TSPAN18: variants seen among roughly 807,000 people sequenced by gnomAD.
The protein encoded by TSPAN18 is tetraspanin 18.
Under a neutral mutation model 27.3 loss-of-function variants are expected in TSPAN18, and 14 were observed. The observed-to-expected ratio is 0.51, with a 90% CI of 0.34 to 0.80. The LOEUF is 0.80. TSPAN18 is among the 30% of genes least tolerant of loss of function. The probability of loss-of-function intolerance (pLI) is 0.01; values close to 1 mark genes in which losing one functional copy is unlikely to be tolerated. For missense variants in TSPAN18, 268 were observed against 323.9 expected (o/e 0.83, Z 1.32); for synonymous variants, 143 against 136.5 (o/e 1.05, Z -0.33).
chr11:44,812,537 G>T (rs1856740041), intron 2 of TSPAN18, among the ~76,000 whole-genome samples: 1 of 152,164 alleles, frequency 6.6e-6, no homozygotes, highest in African/African-American at 2.4e-5. Context: ...ACCACGTGCT[G>T]CTGGAACCCA....
At chr11:44,880,561 C>T (rs1013431999) in intron 3 of TSPAN18, among the ~76,000 whole-genome samples, 1 of 152,196 alleles carries the variant, frequency 6.6e-6, no homozygotes, top group Non-Finnish European at 1.5e-5. Context: ...GTCTGATAGT[C>T]CCCTCTGAAC....
intron 8 of TSPAN18, among the ~76,000 whole-genome samples, chr11:44,922,187 G>A (rs1023684167): frequency 6.7e-6 from 1 of 149,044 alleles, no homozygotes; most frequent in Admixed American, 6.7e-5. Flanking sequence ...CACAATCCTG[G>A]CTCACTGCAA....
At chr11:44,800,050 T>G (rs1305735162) in intron 2 of TSPAN18, among the ~76,000 whole-genome samples, 1 of 138,124 alleles carries the variant, frequency 7.2e-6, no homozygotes, top group Non-Finnish European at 1.5e-5. Flanking sequence ...AGAGACAGGG[T>G]TTCGCCATGT....
At chr11:44,829,790 C>G (rs1341144198) in intron 2 of TSPAN18, among the ~76,000 whole-genome samples, 3 of 152,154 alleles carry the variant, frequency 2.0e-5, no homozygotes, top group Non-Finnish European at 4.4e-5. Flanking sequence ...CACCATTTTG[C>G]ACTCCCCCCA....
chr11:44,804,686 G>A (rs1856554326), intron 2 of TSPAN18, among the ~76,000 whole-genome samples: 1 of 152,088 alleles, frequency 6.6e-6, no homozygotes, highest in African/African-American at 2.4e-5. Flanking sequence ...GGTAGCTGCT[G>A]TGCTTGCAGG....
intron 2 of TSPAN18, among the ~76,000 whole-genome samples, chr11:44,857,967 C>A (rs925877888): frequency 6.6e-6 from 1 of 152,206 alleles, no homozygotes; most frequent in African/African-American, 2.4e-5. Flanking sequence ...GTCTAGGTGG[C>A]AGCATCCCAC....
At chr11:44,819,455 G>T (rs986308183) in intron 2 of TSPAN18, among the ~76,000 whole-genome samples, 1 of 152,078 alleles carries the variant, frequency 6.6e-6, no homozygotes, top group East Asian at 1.9e-4. Flanking sequence ...ATGTGTGTCG[G>T]GTTCTTTAAA....
intron 2 of TSPAN18, among the ~76,000 whole-genome samples, chr11:44,850,798 G>T (rs768187753): frequency 1.3e-5 from 2 of 152,124 alleles, no homozygotes; most frequent in Non-Finnish European, 2.9e-5. Flanking sequence ...GCTTGTCCCA[G>T]TCGGTGCCAG....
rs560167092 is a variant in TSPAN18, at chr11:44,930,781, G to A, written c.*1603G>A. 1 of 464,402 alleles carries A rather than the reference G, an allele frequency of 2.2e-6. No homozygotes were observed. The highest frequency in any genetic ancestry group is 4.4e-6 in the Non-Finnish European group (1 of 224,862). 28.8% of individuals were successfully genotyped at this position (464,402 alleles called of 1,614,324 possible). A position where few individuals can be genotyped will look rare whatever the true frequency, so the allele number is the denominator to read the frequency against. On this transcript the variant is annotated 3_prime_UTR_variant, in exon 10 of 10. Transcript: ENST00000520358. Reference sequence around the variant, plus strand: ...GATGTCTGCCAGGCACCGTAAGTTTGATTAGTGATGTCTGCCACGGGCAGG... The same window carrying A: ...GATGTCTGCCAGGCACCGTAAGTTTAATTAGTGATGTCTGCCACGGGCAGG...
chr11:44,732,938 C>T lies in TSPAN18; in HGVS notation c.-240+5651C>T, dbSNP rs556623159. Among the ~76,000 whole-genome samples the T allele has an allele frequency of 3.3e-5, 5 of 152,234 alleles. No individual in the cohort carries two copies. In the South Asian group the frequency reaches 1.0e-3, roughly 32 times the overall value. On this transcript the variant is annotated intron_variant, in intron 1 of 9. Coordinates refer to ENST00000520358, the MANE Select transcript of TSPAN18 (RefSeq NM_130783.5). ...CTGTTCCACACGGTCACTCAGGGACCCAGGCTCCAAAGATGATGACTCCAC... is the reference window on the plus strand; with the variant it reads ...CTGTTCCACACGGTCACTCAGGGACTCAGGCTCCAAAGATGATGACTCCAC...
intron 2 of TSPAN18, among the ~76,000 whole-genome samples, chr11:44,816,949 C>T (rs1318493894): frequency 6.6e-6 from 1 of 152,232 alleles, no homozygotes; most frequent in East Asian, 1.9e-4. Context: ...GGTGAGGCAA[C>T]TTTCTGGTCA....
intron 2 of TSPAN18, among the ~76,000 whole-genome samples, chr11:44,843,844 C>A (rs553882933): frequency 6.6e-6 from 1 of 152,208 alleles, no homozygotes; most frequent in Admixed American, 6.5e-5. Flanking sequence ...CTCTCTTATT[C>A]CCTGAACAAT....
chr11:44,803,650 C>T (rs920006090), intron 2 of TSPAN18, among the ~76,000 whole-genome samples: 1 of 152,082 alleles, frequency 6.6e-6, no homozygotes, highest in Admixed American at 6.6e-5. Context: ...GCAGGGGACA[C>T]TGGGGTGGAG....
At position 44,737,790 on chromosome 11, in the gene TSPAN18, G is replaced by A. The variant is rs76874407; in HGVS notation, c.-240+10503G>A. On this transcript the variant is annotated intron_variant, in intron 1 of 9. Coordinates refer to ENST00000520358, the MANE Select transcript of TSPAN18 (RefSeq NM_130783.5). ...CATCTGCCGCTTGTTTTCTTCTCTC[G>A]CCCCTACCTTCATGAATGAATCTTT... 9.7e-3 allele frequency among the ~76,000 whole-genome samples: 1,476 copies of A among 151,926 alleles called. 12 individuals carry two copies. Among genetic ancestry groups the A allele is most frequent in the Non-Finnish European group, 0.016 (1,115 of 67,978 alleles).
At chr11:44,819,793 T>C (rs923766530) in intron 2 of TSPAN18, among the ~76,000 whole-genome samples, 5 of 151,980 alleles carry the variant, frequency 3.3e-5, no homozygotes, top group African/African-American at 1.2e-4. Context: ...ACAATAAATA[T>C]TGTGACAGCA....
chr11:44,874,660 G>A (rs930842728), intron 3 of TSPAN18, among the ~76,000 whole-genome samples: 6 of 152,208 alleles, frequency 3.9e-5, no homozygotes, highest in African/African-American at 1.4e-4. Context: ...GAACCAGCCG[G>A]AGAACTAATT....
chr11:44,914,723 G>C (rs835985), intron 5 of TSPAN18, among the ~76,000 whole-genome samples: 138,057 of 152,226 alleles, frequency 0.91, 62,624 homozygotes, highest in Admixed American at 0.93. Flanking sequence ...GCCACAATCC[G>C]CTCTCAGTAA....
intron 3 of TSPAN18, among the ~76,000 whole-genome samples, chr11:44,904,351 T>C (rs1859378191): frequency 6.6e-6 from 1 of 152,206 alleles, no homozygotes; most frequent in Non-Finnish European, 1.5e-5. Context: ...AGGTGTCCCT[T>C]TAGGGAGGAA....
chr11:44,886,221 A>G (rs1250770084), intron 3 of TSPAN18: 1 of 152,210 alleles, frequency 6.6e-6, no homozygotes, highest in East Asian at 1.9e-4. Context: ...AGCATTATTC[A>G]GGCAGGAGGA....
Sources: allele counts gnomAD v4.1 joint callset (sites outside exome capture counted in the v4.1 genomes callset), GRCh38; gene constraint gnomAD v4.1.1; transcripts MANE v1.5; gene names NCBI Gene and HGNC (gene_info 2026-07-23, HGNC 2026-07-21).